The following TGS1 variants were observed in gnomAD, a reference collection of about 807,000 sequenced individuals.
TGS1 encodes the protein trimethylguanosine synthase 1, also known as trimethylguanosine synthase.
A neutral mutation model predicts 92.2 loss-of-function variants in TGS1; 69 were observed. That is an observed-to-expected ratio of 0.75 (90% confidence interval 0.62 to 0.91). The LOEUF is 0.91. TGS1 is among the 40% of genes least tolerant of loss of function. The pLI is 0.00. For synonymous variants in TGS1, 345 were observed against 338.1 expected, an observed-to-expected ratio of 1.02 and a Z score of -0.22; for missense variants, 1,062 against 1,001.2, an observed-to-expected ratio of 1.06 and a Z score of -0.82.
Position 55,810,874 on chromosome 8 carries a change from C to A in TGS1, c.2144-7C>A, listed in dbSNP as rs778856425. On this transcript the variant is annotated splice_polypyrimidine_tract_variant and splice_region_variant and intron_variant, in intron 10 of 12. Transcript: ENST00000260129. ...ATTAACTCATTTTTTTCTTTTCCCA[C>A]TTTTAGTGATTGCCATTGATATCGA... The A allele has an allele frequency of 6.2e-7, 1 of 1,612,310 alleles. No homozygotes were observed. The highest frequency in any genetic ancestry group is 8.5e-7 in the Non-Finnish European group (1 of 1,179,070).
intron 12 of TGS1, among the ~76,000 whole-genome samples, chr8:55,814,834 T>TA (rs1554564865): frequency 0.15 from 19,358 of 127,882 alleles, 1,364 homozygotes; most frequent in African/African-American, 0.23. Context: ...TGAGACTGTC[T>TA]AAAAAAAAAA....
At chr8:55,817,155 G>A (rs997484423) in intron 12 of TGS1, among the ~76,000 whole-genome samples, 1 of 152,122 alleles carries the variant, frequency 6.6e-6, no homozygotes, top group Non-Finnish European at 1.5e-5. Context: ...GAGCCACCAC[G>A]CCTGGCCCTC....
chr8:55,776,790 A>C (rs1199853925), intron 1 of TGS1, among the ~76,000 whole-genome samples: 1 of 152,170 alleles, frequency 6.6e-6, no homozygotes, highest in South Asian at 2.1e-4. Context: ...TAATTGTTCT[A>C]CATTTTGTAC....
chr8:55,813,197 T>TA, intron 12 of TGS1, 79 bp downstream of exon 12: 2 of 994,132 alleles, frequency 2.0e-6, no homozygotes, highest in Admixed American at 4.5e-5. Flanking sequence ...GACATATCCT[T>TA]ACCAGAGAAT....
chr8:55,780,448 G>A (rs1409258701), intron 1 of TGS1, among the ~76,000 whole-genome samples: 1 of 152,114 alleles, frequency 6.6e-6, no homozygotes, highest in Non-Finnish European at 1.5e-5. Flanking sequence ...CAGAAATGAT[G>A]CTATGCCCAG....
In TGS1 at chr8:55,825,817, A is replaced by AT. The variant is rs1803779773; in HGVS notation, c.*1116dup. 6.6e-6 allele frequency among the ~76,000 whole-genome samples: 1 copy of AT among 152,090 alleles called. No homozygotes were observed. Among genetic ancestry groups the AT allele is most frequent in the African/African-American group, 2.4e-5 (1 of 41,422 alleles). On this transcript the variant is annotated 3_prime_UTR_variant, in exon 13 of 13. Transcript: ENST00000260129. Reference sequence around the variant, plus strand: ...TAAAGGTGAAATTACTTTTTCATTAATTCGCAATTTCAAAATCTGTCCAAA... The same window carrying AT: ...TAAAGGTGAAATTACTTTTTCATTAATTTCGCAATTTCAAAATCTGTCCAAA...
At chr8:55,799,372 G>A (rs1327536808) in intron 8 of TGS1, 152 bp downstream of exon 8, 2 of 744,636 alleles carry the variant, frequency 2.7e-6, no homozygotes, top group African/African-American at 1.8e-5. Flanking sequence ...AAGTGTACAT[G>A]TTCTAACTGG....
intron 8 of TGS1, among the ~76,000 whole-genome samples, chr8:55,800,423 A>G (rs922487889): frequency 7.9e-5 from 12 of 152,224 alleles, no homozygotes; most frequent in Non-Finnish European, 1.5e-4. Context: ...AAATTAGCCC[A>G]AGTAAGTGGC....
Position 55,813,056 on chromosome 8 carries a change from C to G in TGS1, c.2377C>G (p.Leu793Val), listed in dbSNP as rs762394579. Residue 793 changes from leucine (L) to valine (V), a missense_variant, in exon 12 of 13, where the codon CTT (leucine) becomes GTT (valine). Physicochemically the swap from Leu to Val is conservative, Grantham distance 32 (BLOSUM62 1). Coordinates refer to ENST00000260129, the MANE Select transcript of TGS1 (RefSeq NM_024831.8). ...MSPDGFEIFRLSKKITNNIVY... is the reference protein window; with the variant it reads ...MSPDGFEIFRVSKKITNNIVY... ...GCTGTCCACCTTTGAAATTTTCAGA[C>G]TTTCTAAGAAGATCACTAATAATAT... The G allele has an allele frequency of 1.9e-6, 3 of 1,608,892 alleles. No homozygotes were observed. Among genetic ancestry groups the G allele is most frequent in the Admixed American group, 3.3e-5 (2 of 59,748 alleles).
chr8:55,801,808 T>C (rs1465240335), intron 8 of TGS1, among the ~76,000 whole-genome samples: 1 of 151,930 alleles, frequency 6.6e-6, no homozygotes, highest in Non-Finnish European at 1.5e-5. Context: ...AGGCTTGTCT[T>C]GAACTTCTGA....
rs1460427101 is a variant in TGS1 at position 55,786,962 on chromosome 8, G to C, written c.1064G>C (p.Arg355Thr). The C allele has an allele frequency of 9.3e-6, 15 of 1,614,046 alleles. No individual in the cohort carries two copies. In the South Asian group the frequency reaches 1.6e-4, roughly 18 times the overall value. The change falls in exon 4 of 13, where the codon AGA becomes ACA. Residue 355 changes from arginine to threonine, a missense_variant. By Grantham distance (71) the Arg-to-Thr change is moderately conservative (BLOSUM62 -1). Transcript: ENST00000260129. ...HQQLSEVSSKRECPASGQSEP... is the reference protein window; with the variant it reads ...HQQLSEVSSKTECPASGQSEP... Reference sequence around the variant, plus strand: ...CAGCTAAGTGAAGTTAGTAGCAAAAGAGAGTGCCCTGCTTCCGGCCAAAGT... The same window carrying C: ...CAGCTAAGTGAAGTTAGTAGCAAAACAGAGTGCCCTGCTTCCGGCCAAAGT...
chr8:55,786,899 G>A lies in TGS1; in HGVS notation c.1001G>A (p.Ser334Asn), dbSNP rs759576494. 7 of 1,613,998 alleles carry A rather than the reference G, an allele frequency of 4.3e-6. No homozygotes were observed. Among genetic ancestry groups the A allele is most frequent in the African/African-American group, 4.0e-5 (3 of 74,918 alleles). The change falls in exon 4 of 13, where the codon AGC (serine) becomes AAC (asparagine). Residue 334 changes from serine (S) to asparagine (N), a missense_variant. Coordinates refer to ENST00000260129, the MANE Select transcript of TGS1 (RefSeq NM_024831.8). ...CTGAATTCAGAGGAAGTAACACAGA[G>A]CCAATTAGATTCCTGTACAAGTCAT... ...IKLNSEEVTQ[S>N]QLDSCTSHDG... is the part of the protein sequence containing the mutation.
intron 12 of TGS1, among the ~76,000 whole-genome samples, chr8:55,823,497 T>C (rs780490850): frequency 2.6e-5 from 4 of 152,128 alleles, no homozygotes; most frequent in Non-Finnish European, 5.9e-5. Context: ...ACAATTGTTG[T>C]AGAAAGCATT....
At chr8:55,803,586 A>T (rs1485699824) in intron 9 of TGS1, among the ~76,000 whole-genome samples, 1 of 152,196 alleles carries the variant, frequency 6.6e-6, no homozygotes, top group African/African-American at 2.4e-5. Context: ...TTTTTCCAGT[A>T]TTGAAGAGCC....
chr8:55,810,142 G>GT (rs1249305647), intron 10 of TGS1, among the ~76,000 whole-genome samples: 2 of 152,180 alleles, frequency 1.3e-5, no homozygotes, highest in Non-Finnish European at 2.9e-5. Flanking sequence ...CGCCGTAAGC[G>GT]TAACGGTTAC....
rs745764639 is a variant in TGS1 at position 55,826,142 on chromosome 8, G to A, written c.*1439G>A. ...TGGGATTACAGGCGTGAGCCACCGC[G>A]CCTGGCTTTATGTAGCATTCTTAAA... On this transcript the variant is annotated 3_prime_UTR_variant, in exon 13 of 13. Transcript: ENST00000260129. Among the ~76,000 whole-genome samples, 19 of 152,082 alleles carry A rather than the reference G, an allele frequency of 1.2e-4. No homozygotes were observed. Among genetic ancestry groups the A allele is most frequent in the Admixed American group, 9.2e-4 (14 of 15,254 alleles).
intron 12 of TGS1, among the ~76,000 whole-genome samples, chr8:55,819,463 A>ATT (rs1239665003): frequency 7.0e-6 from 1 of 141,944 alleles, no homozygotes; most frequent in Admixed American, 7.1e-5. Context: ...TGCCCGGCTA[A>ATT]TTTTTTTTTT....
chr8:55,802,315 A>AGGCTCTCCTGTTTCTCTGG, intron 8 of TGS1, 142 bp from the exon 9 acceptor site: 1 of 637,236 alleles, frequency 1.6e-6, no homozygotes, highest in Non-Finnish European at 2.7e-6. Flanking sequence ...CGTTTCCATC[A>AGGCTCTCCTGTTTCTCTGG]GGCTCTCCTG....
At chr8:55,800,234 C>T (rs906804707) in intron 8 of TGS1, among the ~76,000 whole-genome samples, 1 of 151,960 alleles carries the variant, frequency 6.6e-6, no homozygotes, top group African/African-American at 2.4e-5. Flanking sequence ...AGCATACCTA[C>T]AGTAGTTTAC....
Sources: gnomAD v4.1 joint callset for allele counts (sites outside exome capture counted in the v4.1 genomes callset) on GRCh38, gnomAD v4.1.1 for gene constraint, MANE v1.5 for transcripts, NCBI Gene and HGNC (gene_info 2026-07-23, HGNC 2026-07-21) for gene names.